The following MRS2 variants were observed in gnomAD, a reference collection of about 807,000 sequenced individuals.
MRS2 encodes magnesium transporter MRS2 homolog, mitochondrial.
MRS2 carries 40 observed loss-of-function variants against 52.6 expected under a neutral mutation model. The ratio of observed to expected loss-of-function variants is 0.76; its 90% CI spans 0.59 to 0.99. MRS2 has a LOEUF of 0.99. Ranked by LOEUF, MRS2 falls within the 50% of genes least tolerant of loss-of-function variation. The pLI, the probability that MRS2 is intolerant of heterozygous loss-of-function variation, is 0.00. For synonymous variants in MRS2, 193 were observed against 195.9 expected (o/e 0.98, Z 0.13); for missense variants, 472 against 532.7 (o/e 0.89, Z 1.12).
Position 24,418,176 on chromosome 6 carries a change from C to T in MRS2, c.929C>T (p.Ala310Val). Residue 310 changes from alanine (A) to valine (V), a missense_variant, in exon 8 of 11, where the codon GCT (alanine) becomes GTT (valine). Ala to Val is a moderately conservative substitution (Grantham distance 64). Coordinates refer to ENST00000378386, the MANE Select transcript of MRS2 (RefSeq NM_020662.4). ...TTGGCTGACGATCTCTCCAATGCAG[C>T]TCGTGAGCTTAGGGTGCTGATTGAT... ...YRLADDLSNAARELRVLIDDS... is the reference protein window; with the variant it reads ...YRLADDLSNAVRELRVLIDDS... 6.2e-7 allele frequency: 1 copy of T among 1,613,344 alleles called. No individual in the cohort carries two copies. Among genetic ancestry groups the T allele is most frequent in the South Asian group, 1.1e-5 (1 of 90,976 alleles).
At chr6:24,419,704 T>G (rs1353630561) in intron 9 of MRS2, among the ~76,000 whole-genome samples, 1 of 152,200 alleles carries the variant, frequency 6.6e-6, no homozygotes, top group Non-Finnish European at 1.5e-5. Context: ...TCCCAGAGTT[T>G]TTCATTTCAC....
intron 5 of MRS2, among the ~76,000 whole-genome samples, chr6:24,413,159 G>A (rs147414985): frequency 6.6e-6 from 1 of 152,210 alleles, no homozygotes; most frequent in African/African-American, 2.4e-5. Flanking sequence ...GAAAGAAGAT[G>A]TAAACAGTGG....
intron 7 of MRS2, among the ~76,000 whole-genome samples, chr6:24,417,452 C>A (rs1017194085): frequency 6.6e-6 from 1 of 152,182 alleles, no homozygotes; most frequent in Non-Finnish European, 1.5e-5. Context: ...TGGCTTTGCA[C>A]TAATTCATCT....
intron 9 of MRS2, among the ~76,000 whole-genome samples, chr6:24,419,575 C>G (rs1157837288): frequency 1.3e-5 from 2 of 152,206 alleles, no homozygotes; most frequent in Non-Finnish European, 2.9e-5. Context: ...GACTGAGGCT[C>G]AGAACATTTA....
intron 2 of MRS2, among the ~76,000 whole-genome samples, chr6:24,407,919 G>A (rs1242875433): frequency 1.3e-5 from 2 of 152,174 alleles, no homozygotes; most frequent in Non-Finnish European, 2.9e-5. Context: ...GAATCCCCAT[G>A]CCCCGTAGTG....
intron 1 of MRS2, among the ~76,000 whole-genome samples, chr6:24,404,457 G>C (rs1761394186): frequency 6.6e-6 from 1 of 152,062 alleles, no homozygotes; most frequent in African/African-American, 2.4e-5. Context: ...GTAGAAAAAA[G>C]ATCAGAAATA....
intron 4 of MRS2, 59 bp from the exon 5 acceptor site, chr6:24,412,163 A>AT: frequency 1.0e-6 from 1 of 970,566 alleles, no homozygotes; most frequent in Non-Finnish European, 1.5e-6. Context: ...ATGTATATAC[A>AT]TGCATGTGTG....
intron 3 of MRS2, 141 bp from the exon 4 acceptor site, chr6:24,409,320 A>ATT: frequency 1.9e-6 from 1 of 539,572 alleles, no homozygotes; most frequent in African/African-American, 1.9e-5. Flanking sequence ...GTAAAAATGG[A>ATT]TATTAAAAGA....
At chr6:24,421,452 C>T (rs1030394692) in intron 9 of MRS2, among the ~76,000 whole-genome samples, 3 of 118,298 alleles carry the variant, frequency 2.5e-5, no homozygotes, top group Non-Finnish European at 6.1e-5. Flanking sequence ...GTCTTTATTT[C>T]GATATAGTTA....
intron 1 of MRS2, among the ~76,000 whole-genome samples, chr6:24,403,827 G>C (rs919059208): frequency 1.3e-5 from 2 of 152,170 alleles, no homozygotes; most frequent in Non-Finnish European, 2.9e-5. Context: ...CAGTTGTCCA[G>C]TTGCACGGAG....
chr6:24,415,922 T>C (rs1365809118), intron 6 of MRS2, among the ~76,000 whole-genome samples: 1 of 152,018 alleles, frequency 6.6e-6, no homozygotes, highest in Non-Finnish European at 1.5e-5. Context: ...ACTGCAGCCT[T>C]GGTTTGGGTT....
chr6:24,413,560 T>C (rs1761738637), intron 5 of MRS2, among the ~76,000 whole-genome samples: 1 of 152,154 alleles, frequency 6.6e-6, no homozygotes, highest in South Asian at 2.1e-4. Flanking sequence ...ACTACAAAAG[T>C]CCACACCTTG....
chr6:24,411,879 T>A (rs145627328), intron 4 of MRS2, among the ~76,000 whole-genome samples: 1 of 151,098 alleles, frequency 6.6e-6, no homozygotes, highest in Non-Finnish European at 1.5e-5. Flanking sequence ...GTTTTTGTTT[T>A]TTTTTCATGA....
At position 24,426,121 on chromosome 6, in the gene MRS2, T is replaced by C. The variant is rs1464992522; in HGVS notation, c.*2427T>C. 1 of 152,198 alleles carries C rather than the reference T, an allele frequency of 6.6e-6. No homozygotes were observed. The highest frequency in any genetic ancestry group is 1.5e-5 in the Non-Finnish European group (1 of 68,034). The allele number at this position is 152,198 out of a possible 1,614,324, so 9.4% of individuals were successfully genotyped here. A position where few individuals can be genotyped will look rare whatever the true frequency, so the allele number is the denominator to read the frequency against. On this transcript the variant is annotated 3_prime_UTR_variant, in exon 11 of 11. Transcript: ENST00000378386. ...AAAGCTGTTACATATACGCAGATAG[T>C]AGCAAGACAGAAAATGCAAATATGT... is the stretch of plus-strand genomic sequence containing the variant.
Position 24,426,106 on chromosome 6 carries a change from C to A in MRS2, c.*2412C>A, listed in dbSNP as rs1762228285. 6.6e-6 allele frequency: 1 copy of A among 152,122 alleles called. No individual in the cohort carries two copies. 9.4% of individuals were successfully genotyped at this position (152,122 alleles called of 1,614,324 possible). ...CTTGAAGCCTTGAGAAAAGCTGTTA[C>A]ATATACGCAGATAGTAGCAAGACAG... On this transcript the variant is annotated 3_prime_UTR_variant, in exon 11 of 11. Transcript: ENST00000378386.
intron 4 of MRS2, among the ~76,000 whole-genome samples, chr6:24,410,467 ACTTT>A (rs1313471643): frequency 2.6e-5 from 4 of 152,100 alleles, no homozygotes; most frequent in Non-Finnish European, 4.4e-5. Context: ...TGGGTATGAG[ACTTT>A]CTTCAAAGAG....
At chr6:24,414,889 G>A (rs1289137584) in intron 5 of MRS2, 144 bp from the exon 6 acceptor site, 2 of 617,160 alleles carry the variant, frequency 3.2e-6, no homozygotes, top group East Asian at 2.9e-5. Context: ...ATCTGGAATA[G>A]GCATTCTAGA....
In MRS2 at chr6:24,405,225, C is replaced by T. The variant is rs757460383; in HGVS notation, c.248C>T (p.Ala83Val). 4 of 1,613,228 alleles carry T rather than the reference C, an allele frequency of 2.5e-6. No individual in the cohort carries two copies. The South Asian group carries it at 4.4e-5, about 18-fold the overall frequency. Residue 83 changes from alanine (A) to valine (V), a missense_variant, in exon 2 of 11, where the codon GCC (alanine) becomes GTC (valine). Physicochemically the swap from Ala to Val is moderately conservative, Grantham distance 64 (BLOSUM62 0). Transcript: ENST00000378386. ...TCTCAAGCCACTTTAGCCAGTGTAG[C>T]CCCAGTATTTACTGTGGTGAGTATG... The part of the protein sequence containing the change: ...DVSQATLASV[A>V]PVFTVTKFDK...
At chr6:24,410,321 A>G (rs567052050) in intron 4 of MRS2, among the ~76,000 whole-genome samples, 35 of 152,106 alleles carry the variant, frequency 2.3e-4, no homozygotes, top group African/African-American at 7.5e-4. Flanking sequence ...AATATATTGT[A>G]TTTTCCCTTA....
Sources: allele counts gnomAD v4.1 joint callset (sites outside exome capture counted in the v4.1 genomes callset), GRCh38; gene constraint gnomAD v4.1.1; transcripts MANE v1.5; gene names NCBI Gene and HGNC (gene_info 2026-07-23, HGNC 2026-07-21).